PPFIBP2: variants seen among roughly 807,000 people sequenced by gnomAD.
PPFIBP2 encodes the protein PPFIB scaffold protein 2, also known as liprin-beta-2.
Under a neutral mutation model 118.3 loss-of-function variants are expected in PPFIBP2, and 118 were observed. The observed-to-expected ratio is 1.00, with a 90% CI of 0.86 to 1.16. PPFIBP2 has a LOEUF of 1.16. Among genes scored for constraint, PPFIBP2 ranks in the 50% most tolerant of loss-of-function variants. The probability of loss-of-function intolerance (pLI) is 0.00; values close to 1 mark genes in which losing one functional copy is unlikely to be tolerated. For missense variants in PPFIBP2, 1,195 were observed against 1,073.1 expected (o/e 1.11, Z -1.59); for synonymous variants, 414 against 397.4 (o/e 1.04, Z -0.50).
At chr11:7,656,849 C>G, downstream of PPFIBP2, 1 of 1,260,132 alleles carries the variant, frequency 7.9e-7, no homozygotes, top group Non-Finnish European at 1.0e-6. Context: ...GCCCCGGAGC[C>G]TTTGCTTCTG....
chr11:7,624,520 A>G (rs1849734751), intron 7 of PPFIBP2, among the ~76,000 whole-genome samples: 1 of 152,100 alleles, frequency 6.6e-6, no homozygotes, highest in Non-Finnish European at 1.5e-5. Flanking sequence ...GCCTTTGTGG[A>G]ATTGAACAGC....
chr11:7,646,772 TC>T (rs1314445548), intron 17 of PPFIBP2, among the ~76,000 whole-genome samples: 13 of 152,068 alleles, frequency 8.5e-5, no homozygotes, highest in Non-Finnish European at 1.5e-5. Context: ...AAATACCCCA[TC>T]TCTGAAATAA....
intron 3 of PPFIBP2, among the ~76,000 whole-genome samples, chr11:7,588,276 A>G (rs1858580084): frequency 6.6e-6 from 1 of 152,076 alleles, no homozygotes; most frequent in Non-Finnish European, 1.5e-5. Context: ...GGACTTAACT[A>G]TCCCTGCTGG....
intron 2 of PPFIBP2, among the ~76,000 whole-genome samples, chr11:7,552,362 T>C (rs1853090941): frequency 6.6e-6 from 1 of 152,232 alleles, no homozygotes; most frequent in African/African-American, 2.4e-5. Context: ...ATCTTCATCA[T>C]GTTGAATCTT....
intron 8 of PPFIBP2, 114 bp downstream of exon 8, chr11:7,626,005 G>A: frequency 1.2e-6 from 1 of 859,714 alleles, no homozygotes; most frequent in Non-Finnish European, 1.8e-6. Context: ...GTGTAGCCAT[G>A]CTAATGGACA....
chr11:7,545,551 T>C (rs1852238196), intron 1 of PPFIBP2, among the ~76,000 whole-genome samples: 1 of 152,232 alleles, frequency 6.6e-6, no homozygotes, highest in African/African-American at 2.4e-5. Context: ...GTGCCTAATT[T>C]ATAAATTAAA....
In PPFIBP2 at chr11:7,648,326, A is replaced by G. The variant is rs1250061839; in HGVS notation, c.1647-61A>G. On this transcript the variant is annotated intron_variant, in intron 17 of 23. Coordinates refer to ENST00000299492, the MANE Select transcript of PPFIBP2 (RefSeq NM_003621.5). ...TCTTTTCTTTTGTTTGTGAGACATG[A>G]TTAGATTCAGAACCTCAGGCTCTCC... 1.6e-5 allele frequency: 25 copies of G among 1,521,528 alleles called. No individual in the cohort carries two copies. In the South Asian group the frequency reaches 2.7e-4, roughly 16 times the overall value. The allele number at this position is 1,521,528 out of a possible 1,614,324, so 94.3% of individuals were successfully genotyped here. A position where few individuals can be genotyped will look rare whatever the true frequency, so the allele number is the denominator to read the frequency against.
At chr11:7,541,646 C>T (rs1851795284) in intron 1 of PPFIBP2, among the ~76,000 whole-genome samples, 1 of 152,178 alleles carries the variant, frequency 6.6e-6, no homozygotes, top group African/African-American at 2.4e-5. Context: ...CATGCAATTG[C>T]TTAAATACAT....
At chr11:7,596,389 GTTTTTT>G (rs58915783) in intron 4 of PPFIBP2, among the ~76,000 whole-genome samples, 1 of 139,184 alleles carries the variant, frequency 7.2e-6, no homozygotes, top group Admixed American at 7.2e-5. Flanking sequence ...GCCCGTTCTT[GTTTTTT>G]TTTTTTTTTT....
intron 5 of PPFIBP2, chr11:7,605,675 A>C (rs557773791): frequency 7.0e-6 from 9 of 1,292,212 alleles, no homozygotes; most frequent in Non-Finnish European, 6.9e-6. Context: ...AAGGAGAACA[A>C]TGTTGCTTCA....
chr11:7,624,527 C>T (rs1054279984), intron 7 of PPFIBP2, among the ~76,000 whole-genome samples: 1 of 152,162 alleles, frequency 6.6e-6, no homozygotes, highest in African/African-American at 2.4e-5. Context: ...TGGAATTGAA[C>T]AGCCCATACT....
At chr11:7,618,520 G>C (rs766827370) in intron 6 of PPFIBP2, among the ~76,000 whole-genome samples, 1 of 152,094 alleles carries the variant, frequency 6.6e-6, no homozygotes, top group African/African-American at 2.4e-5. Context: ...ACCTGGCTAG[G>C]ATACAAGGCT....
Position 7,641,519 on chromosome 11 carries a change from T to C in PPFIBP2, c.1416T>C (p.Asn472=). The C allele has an allele frequency of 1.9e-6, 3 of 1,613,812 alleles. No homozygotes were observed. In the South Asian group the frequency reaches 3.3e-5, roughly 18 times the overall value. ...ESGWDDTAVV[N]DLSSTSSGTE... ...GCTGGGACGACACTGCTGTGGTCAA[T>C]GACCTCTCATCCACATCATCGGGCA... Residue 472 remains asparagine (N), a synonymous_variant, in exon 16 of 24, where the codon AAT becomes AAC. Transcript: ENST00000299492.
chr11:7,637,503 CTCTG>C (rs1478157609), intron 14 of PPFIBP2, among the ~76,000 whole-genome samples: 1 of 152,226 alleles, frequency 6.6e-6, no homozygotes, highest in African/African-American at 2.4e-5. Context: ...AGAGAAACAG[CTCTG>C]TCTGAGTTGG....
At chr11:7,589,607 C>T (rs1174860488) in intron 3 of PPFIBP2, among the ~76,000 whole-genome samples, 1 of 151,070 alleles carries the variant, frequency 6.6e-6, no homozygotes, top group Non-Finnish European at 1.5e-5. Flanking sequence ...GAACAACCCC[C>T]TCCCAAAAAA....
chr11:7,585,725 G>A (rs1858035798), intron 3 of PPFIBP2, among the ~76,000 whole-genome samples: 1 of 152,220 alleles, frequency 6.6e-6, no homozygotes, highest in Non-Finnish European at 1.5e-5. Context: ...CAGTGGAAGG[G>A]CTAGGCCAGG....
At chr11:7,524,361 A>G (rs749075065) in intron 1 of PPFIBP2, among the ~76,000 whole-genome samples, 1 of 152,178 alleles carries the variant, frequency 6.6e-6, no homozygotes, top group East Asian at 1.9e-4. Flanking sequence ...TTTTTACACA[A>G]ATAACTAGCT....
At chr11:7,539,522 G>C (rs927996745) in intron 1 of PPFIBP2, 1 of 152,530 alleles carries the variant, frequency 6.6e-6, no homozygotes, top group South Asian at 2.1e-4. Context: ...TACGCTGAGA[G>C]CCTTGCCAGT....
At chr11:7,549,783 A>G (rs1248871531) in intron 2 of PPFIBP2, among the ~76,000 whole-genome samples, 1 of 152,038 alleles carries the variant, frequency 6.6e-6, no homozygotes, top group Non-Finnish European at 1.5e-5. Context: ...CCTACCATCT[A>G]CCGTCTCAGT....
Sources: allele counts gnomAD v4.1 joint callset (sites outside exome capture counted in the v4.1 genomes callset), GRCh38; gene constraint gnomAD v4.1.1; transcripts MANE v1.5; gene names NCBI Gene and HGNC (gene_info 2026-07-23, HGNC 2026-07-21).